Variants in PCDHA13 observed in about 807,000 individuals in gnomAD.
The protein encoded by PCDHA13 is protocadherin alpha 13.
A neutral mutation model predicts 64.8 loss-of-function variants in PCDHA13; 54 were observed. The observed-to-expected ratio is 0.83, with a 90% confidence interval of 0.67 to 1.04. The LOEUF is 1.04. PCDHA13 is among the 50% of genes least tolerant of loss of function. PCDHA13 has a pLI of 0.00. For synonymous variants in PCDHA13, 587 were observed against 564.4 expected (o/e 1.04, Z -0.57); for missense variants, 1,248 against 1,254.3 (o/e 0.99, Z 0.08).
chr5:140,970,471 G>T (rs773565871), intron 1 of PCDHA13, among the ~76,000 whole-genome samples: 1 of 152,142 alleles, frequency 6.6e-6, no homozygotes, highest in African/African-American at 2.4e-5. Context: ...TAGGTATAAG[G>T]CCAGCTTGTT....
intron 2 of PCDHA13, 91 bp from the exon 3 acceptor site, chr5:140,982,384 C>T (rs1245752901): frequency 6.3e-7 from 1 of 1,584,990 alleles, no homozygotes; most frequent in African/African-American, 1.3e-5. Context: ...GCAGCCCTGG[C>T]TTCATAGTTG....
chr5:140,986,195 A>C (rs1200850544), intron 3 of PCDHA13, among the ~76,000 whole-genome samples: 1 of 152,196 alleles, frequency 6.6e-6, no homozygotes, highest in African/African-American at 2.4e-5. Context: ...TAAATTGGTT[A>C]ATCCTGATTA....
At chr5:141,000,921 C>T (rs562554000) in intron 3 of PCDHA13, among the ~76,000 whole-genome samples, 1 of 152,006 alleles carries the variant, frequency 6.6e-6, no homozygotes, top group Non-Finnish European at 1.5e-5. Flanking sequence ...AAAAAAAAAT[C>T]CTGTGTGATT....
At position 140,993,462 on chromosome 5, in the gene PCDHA13, TCACACACACACACACACACA is replaced by T. The variant is rs3836747; in HGVS notation, c.2542+10927_2542+10946del. ...CATTCCTGTTCTCCTTCTTTCTTTC[TCACACACACACACACACACA>T]CACACACACACACACACACACACAC... On this transcript the variant is annotated intron_variant, in intron 3 of 3. Coordinates refer to ENST00000289272, the MANE Select transcript of PCDHA13 (RefSeq NM_018904.3). Among the ~76,000 whole-genome samples the T allele has an allele frequency of 7.1e-5, 10 of 141,044 alleles. No individual in the cohort carries two copies. In the South Asian group the frequency reaches 9.5e-4, roughly 13 times the overall value. The allele number at this position is 141,044 out of a possible 152,430, so 92.5% of individuals were successfully genotyped here.
At chr5:140,911,051 G>C (rs566300992) in intron 1 of PCDHA13, among the ~76,000 whole-genome samples, 1 of 152,100 alleles carries the variant, frequency 6.6e-6, no homozygotes, top group East Asian at 1.9e-4. Flanking sequence ...CAGGGGTGGT[G>C]GGGGGTGGGT....
At chr5:140,895,829 C>T (rs2065183021) in intron 1 of PCDHA13, among the ~76,000 whole-genome samples, 1 of 151,878 alleles carries the variant, frequency 6.6e-6, no homozygotes, top group African/African-American at 2.4e-5. Context: ...GTATTTTTTT[C>T]AGACAAAGTC....
intron 1 of PCDHA13, among the ~76,000 whole-genome samples, chr5:140,955,368 G>C (rs1554221882): frequency 6.6e-6 from 1 of 152,122 alleles, no homozygotes; most frequent in Admixed American, 6.5e-5. Flanking sequence ...CCCAGTGGGA[G>C]GTAATTGAAT....
intron 1 of PCDHA13, chr5:140,930,304 A>G (rs1554207720): frequency 6.6e-6 from 1 of 152,236 alleles, no homozygotes. Flanking sequence ...ATAAGTAAAT[A>G]TCATATTTGA....
intron 3 of PCDHA13, among the ~76,000 whole-genome samples, chr5:141,008,262 G>T (rs1178355094): frequency 6.6e-6 from 1 of 152,198 alleles, no homozygotes; most frequent in Non-Finnish European, 1.5e-5. Flanking sequence ...AGGAGACTGA[G>T]AAGTAATAGG....
At chr5:140,919,110 C>T (rs1274257448) in intron 1 of PCDHA13, among the ~76,000 whole-genome samples, 3 of 152,118 alleles carry the variant, frequency 2.0e-5, no homozygotes, top group Non-Finnish European at 2.9e-5. Flanking sequence ...TTCATTTCTG[C>T]CAGTTTTTGC....
intron 1 of PCDHA13, among the ~76,000 whole-genome samples, chr5:140,893,362 C>T (rs782554595): frequency 6.6e-5 from 10 of 152,110 alleles, no homozygotes; most frequent in African/African-American, 9.7e-5. Flanking sequence ...TACATGCCCA[C>T]CAACAGCATT....
At chr5:140,950,579 A>G (rs2094498747) in intron 1 of PCDHA13, among the ~76,000 whole-genome samples, 1 of 151,956 alleles carries the variant, frequency 6.6e-6, no homozygotes, top group African/African-American at 2.4e-5. Flanking sequence ...TTTTCTACTT[A>G]CCTTTGGTTT....
Position 140,882,666 on chromosome 5 carries a change from T to G in PCDHA13, c.398T>G (p.Phe133Cys). ...VRDINDNPPIFPESKKRIIIA... is the reference protein window; with the variant it reads ...VRDINDNPPICPESKKRIIIA... ...GACATTAACGACAACCCGCCCATAT[T>G]CCCTGAAAGCAAGAAACGAATAATC... Residue 133 changes from phenylalanine (F) to cysteine (C), a missense_variant, in exon 1 of 4, where the codon TTC becomes TGC. By Grantham distance (205) the Phe-to-Cys change is radical (BLOSUM62 -2). Coordinates refer to ENST00000289272, the MANE Select transcript of PCDHA13 (RefSeq NM_018904.3). 1 of 1,614,160 alleles carries G rather than the reference T, an allele frequency of 6.2e-7. No homozygotes were observed. The highest frequency in any genetic ancestry group is 8.5e-7 in the Non-Finnish European group (1 of 1,180,026).
chr5:140,959,538 A>G (rs1310965047), intron 1 of PCDHA13, among the ~76,000 whole-genome samples: 1 of 152,204 alleles, frequency 6.6e-6, no homozygotes, highest in Non-Finnish European at 1.5e-5. Flanking sequence ...TAATTCAGAG[A>G]TGCTGTATAA....
chr5:140,960,597 C>T (rs1315375637), intron 1 of PCDHA13, among the ~76,000 whole-genome samples: 1 of 152,092 alleles, frequency 6.6e-6, no homozygotes, highest in South Asian at 2.1e-4. Context: ...ATTCAAGGTA[C>T]TTCAACAATA....
At chr5:140,954,623 G>C (rs1277762311) in intron 1 of PCDHA13, among the ~76,000 whole-genome samples, 2 of 151,776 alleles carry the variant, frequency 1.3e-5, no homozygotes, top group African/African-American at 4.8e-5. Flanking sequence ...GGCTTGTTTG[G>C]GTTTTTCTTG....
chr5:140,998,275 A>G (rs1554256218), intron 3 of PCDHA13, among the ~76,000 whole-genome samples: 1 of 152,198 alleles, frequency 6.6e-6, no homozygotes, highest in African/African-American at 2.4e-5. Context: ...TGACACCCAT[A>G]GGATTAAATC....
chr5:140,915,281 C>T (rs1554196839), intron 1 of PCDHA13, among the ~76,000 whole-genome samples: 2 of 152,090 alleles, frequency 1.3e-5, no homozygotes, highest in Non-Finnish European at 2.9e-5. Flanking sequence ...TCATCATTTA[C>T]TCTTTCTACT....
At chr5:140,983,517 G>A (rs1475712929) in intron 3 of PCDHA13, among the ~76,000 whole-genome samples, 2 of 152,196 alleles carry the variant, frequency 1.3e-5, no homozygotes, top group African/African-American at 4.8e-5. Flanking sequence ...TAGACACTGT[G>A]CCAAGTACAT....
Sources: allele counts gnomAD v4.1 joint callset (sites outside exome capture counted in the v4.1 genomes callset), GRCh38; gene constraint gnomAD v4.1.1; transcripts MANE v1.5; gene names NCBI Gene and HGNC (gene_info 2026-07-23, HGNC 2026-07-21).